Variants in NBEA observed in about 807,000 individuals in gnomAD.
NBEA encodes lysosomal-trafficking regulator 2.
NBEA carries 44 observed loss-of-function variants against 343.4 expected under a neutral mutation model. The observed-to-expected ratio is 0.13, with a 90% CI of 0.10 to 0.16. The LOEUF (loss-of-function observed/expected upper bound fraction) is 0.16. NBEA is among the 10% of genes least tolerant of loss of function. The pLI, the probability that NBEA is intolerant of heterozygous loss-of-function variation, is 1.00. For synonymous variants in NBEA, 1,175 were observed against 1,238.7 expected (o/e 0.95, Z 1.08); for missense variants, 2,555 against 3,631.3 (o/e 0.70, Z 7.62).
intron 2 of NBEA, among the ~76,000 whole-genome samples, chr13:35,043,288 G>T (rs2062720485): frequency 6.6e-6 from 1 of 151,746 alleles, no homozygotes; most frequent in South Asian, 2.1e-4. Context: ...AAATTTAATA[G>T]ATTACTTTTT....
At chr13:35,511,870 G>C (rs1414120587) in intron 41 of NBEA, among the ~76,000 whole-genome samples, 1 of 152,102 alleles carries the variant, frequency 6.6e-6, no homozygotes, top group Non-Finnish European at 1.5e-5. Context: ...AGTACTGTTT[G>C]CAAATAATTA....
At chr13:35,360,871 C>T (rs984331799) in intron 38 of NBEA, among the ~76,000 whole-genome samples, 4 of 151,820 alleles carry the variant, frequency 2.6e-5, no homozygotes, top group Admixed American at 2.6e-4. Context: ...TCACACAAAA[C>T]GTCTAAGTTT....
chr13:35,671,038 G>A lies in NBEA; in HGVS notation c.*47G>A. The A allele has an allele frequency of 7.2e-7, 1 of 1,384,558 alleles. No individual in the cohort carries two copies. The allele number at this position is 1,384,558 out of a possible 1,614,324, so 85.8% of individuals were successfully genotyped here. A position where few individuals can be genotyped will look rare whatever the true frequency, so the allele number is the denominator to read the frequency against. On this transcript the variant is annotated 3_prime_UTR_variant, in exon 59 of 59. Coordinates refer to ENST00000379939, the MANE Select transcript of NBEA (RefSeq NM_001385012.1). Reference sequence around the variant, plus strand: ...CCAAGTTAAAGCTGAGAGCACAAGTGCTGCATGGAAAGGCAATATCTCTGG... The same window carrying A: ...CCAAGTTAAAGCTGAGAGCACAAGTACTGCATGGAAAGGCAATATCTCTGG...
At chr13:35,234,411 T>C (rs1396179734) in intron 34 of NBEA, among the ~76,000 whole-genome samples, 1 of 152,186 alleles carries the variant, frequency 6.6e-6, no homozygotes, top group Non-Finnish European at 1.5e-5. Flanking sequence ...ATGTGTATGA[T>C]TGACTACACA....
Position 35,349,203 on chromosome 13 carries a change from A to G in NBEA, c.5999A>G (p.His2000Arg). The change falls in exon 37 of 59, where the codon CAT becomes CGT. Residue 2000 changes from histidine to arginine, a missense_variant. Physicochemically the swap from His to Arg is conservative, Grantham distance 29 (BLOSUM62 0). Coordinates refer to ENST00000379939, the MANE Select transcript of NBEA (RefSeq NM_001385012.1). ...NRQRAEDVHKHAEFESQCAQY... is the reference protein window; with the variant it reads ...NRQRAEDVHKRAEFESQCAQY... ...CAAAGAGCCGAGGATGTACATAAACATGCAGAGTTTGAGGTAAGGTTTTGG... is the reference window on the plus strand; with the variant it reads ...CAAAGAGCCGAGGATGTACATAAACGTGCAGAGTTTGAGGTAAGGTTTTGG... 2 of 1,595,028 alleles carry G rather than the reference A, an allele frequency of 1.3e-6. No homozygotes were observed. Among genetic ancestry groups the G allele is most frequent in the Non-Finnish European group, 1.7e-6 (2 of 1,168,946 alleles).
At chr13:35,136,948 ATAATT>A (rs1427439375) in intron 17 of NBEA, among the ~76,000 whole-genome samples, 2 of 152,262 alleles carry the variant, frequency 1.3e-5, no homozygotes, top group Non-Finnish European at 2.9e-5. Flanking sequence ...TACAATGAAA[ATAATT>A]TAAGTGTTTT....
intron 34 of NBEA, among the ~76,000 whole-genome samples, chr13:35,273,678 G>A (rs890403814): frequency 1.3e-5 from 2 of 151,830 alleles, no homozygotes; most frequent in African/African-American, 2.4e-5. Flanking sequence ...ATGATAAAGG[G>A]GATATCACCA....
chr13:35,663,125 C>T (rs1395161165), intron 55 of NBEA, among the ~76,000 whole-genome samples: 1 of 152,212 alleles, frequency 6.6e-6, no homozygotes, highest in African/African-American at 2.4e-5. Flanking sequence ...TAGGAACATT[C>T]TAAATCTTCT....
chr13:35,517,412 C>G (rs934220620), intron 41 of NBEA, among the ~76,000 whole-genome samples: 1 of 152,196 alleles, frequency 6.6e-6, no homozygotes, highest in African/African-American at 2.4e-5. Flanking sequence ...TTGATTAGCT[C>G]TTAGTATGCT....
intron 17 of NBEA, among the ~76,000 whole-genome samples, chr13:35,136,326 G>A (rs1183638560): frequency 6.6e-6 from 1 of 152,110 alleles, no homozygotes; most frequent in African/African-American, 2.4e-5. Flanking sequence ...TTTGGTGAGT[G>A]AAAATAGTTC....
intron 38 of NBEA, among the ~76,000 whole-genome samples, chr13:35,392,417 T>G (rs2042546491): frequency 6.6e-6 from 1 of 151,892 alleles, no homozygotes; most frequent in Non-Finnish European, 1.5e-5. Context: ...GTAATATGCC[T>G]ATAGGAAACA....
intron 38 of NBEA, among the ~76,000 whole-genome samples, chr13:35,378,599 A>G (rs2041860506): frequency 1.3e-5 from 2 of 152,100 alleles, no homozygotes; most frequent in South Asian, 2.1e-4. Context: ...GAAATGGACT[A>G]TAGATCACCA....
intron 39 of NBEA, among the ~76,000 whole-genome samples, chr13:35,434,906 A>C (rs1221091347): frequency 1.3e-5 from 2 of 152,246 alleles, no homozygotes; most frequent in East Asian, 3.8e-4. Context: ...GAAAAACTTA[A>C]TTCAAAACAG....
rs1378294046 is a variant in NBEA at position 35,484,537 on chromosome 13, T to C, written c.6585+12001T>C. Among the ~76,000 whole-genome samples the C allele has an allele frequency of 4.6e-5, 7 of 152,092 alleles. No homozygotes were observed. In the East Asian group the frequency reaches 1.4e-3, roughly 29 times the overall value. ...CCAGTGTACAATTTAGCCACGGGCA[T>C]CTGTAGACCTTGTGGTGATCAGTAT... On this transcript the variant is annotated intron_variant, in intron 41 of 58. Transcript: ENST00000379939.
intron 35 of NBEA, among the ~76,000 whole-genome samples, chr13:35,306,686 A>G (rs1480864233): frequency 2.0e-5 from 3 of 152,022 alleles, no homozygotes. Flanking sequence ...AATATTTGTC[A>G]TTAAAGGGTC....
chr13:35,656,168 A>G (rs999949497), intron 55 of NBEA, among the ~76,000 whole-genome samples: 1 of 152,236 alleles, frequency 6.6e-6, no homozygotes, highest in Non-Finnish European at 1.5e-5. Flanking sequence ...TATATACTGT[A>G]GTAAATTTCT....
intron 1 of NBEA, among the ~76,000 whole-genome samples, chr13:34,994,962 G>A (rs1197522503): frequency 1.3e-5 from 2 of 152,130 alleles, no homozygotes; most frequent in Non-Finnish European, 2.9e-5. Context: ...TGAAACACAA[G>A]GTCAGTCAGT....
chr13:35,210,500 A>G (rs906289162), intron 32 of NBEA, among the ~76,000 whole-genome samples: 1 of 152,178 alleles, frequency 6.6e-6, no homozygotes, highest in Non-Finnish European at 1.5e-5. Flanking sequence ...TACGTGGCAT[A>G]TGATAGAAAA....
At chr13:35,288,041 G>A (rs2035550116) in intron 34 of NBEA, among the ~76,000 whole-genome samples, 2 of 151,810 alleles carry the variant, frequency 1.3e-5, no homozygotes, top group African/African-American at 4.8e-5. Context: ...AAACTCCTTA[G>A]TACTAACATT....
Sources: gnomAD v4.1 joint callset for allele counts (sites outside exome capture counted in the v4.1 genomes callset) on GRCh38, gnomAD v4.1.1 for gene constraint, MANE v1.5 for transcripts, NCBI Gene and HGNC (gene_info 2026-07-23, HGNC 2026-07-21) for gene names.